PRKAR2B: variants seen among roughly 807,000 people sequenced by gnomAD.
PRKAR2B encodes the protein protein kinase cAMP-dependent type II regulatory subunit beta.
Under a neutral mutation model 49.9 loss-of-function variants are expected in PRKAR2B, and 14 were observed. The ratio of observed to expected loss-of-function variants is 0.28; its 90% CI spans 0.19 to 0.44. The LOEUF is 0.44. Ranked by LOEUF, PRKAR2B falls within the 20% of genes least tolerant of loss-of-function variation. PRKAR2B has a pLI of 1.00. For synonymous variants in PRKAR2B, 196 were observed against 197.7 expected, an observed-to-expected ratio of 0.99 and a Z score of 0.07; for missense variants, 393 against 537.9, an observed-to-expected ratio of 0.73 and a Z score of 2.67.
At chr7:107,081,146 C>A (rs1452571991) in intron 2 of PRKAR2B, among the ~76,000 whole-genome samples, 1 of 152,118 alleles carries the variant, frequency 6.6e-6, no homozygotes, top group Non-Finnish European at 1.5e-5. Context: ...GGCCAAAGTG[C>A]ATAATTTTGT....
At chr7:107,106,861 C>T (rs750949406) in intron 2 of PRKAR2B, among the ~76,000 whole-genome samples, 30 of 151,830 alleles carry the variant, frequency 2.0e-4, no homozygotes, top group Admixed American at 4.6e-4. Context: ...AGGAGATAAT[C>T]TAGGATATCT....
intron 1 of PRKAR2B, among the ~76,000 whole-genome samples, chr7:107,068,180 A>G (rs929056072): frequency 3.3e-5 from 5 of 152,176 alleles, no homozygotes; most frequent in African/African-American, 1.2e-4. Flanking sequence ...AGAAAGACAC[A>G]GAAACCTAAG....
Position 107,159,440 on chromosome 7 carries a change from T to G in PRKAR2B, c.1124-9T>G. On this transcript the variant is annotated splice_polypyrimidine_tract_variant and intron_variant, in intron 10 of 10. Coordinates refer to ENST00000265717, the MANE Select transcript of PRKAR2B (RefSeq NM_002736.3). ...ATGTTATTTAAAAAAAAATCTTCTC[T>G]TTTCTCAGCAATGGATGTGCAAGCA... 1 of 1,611,556 alleles carries G rather than the reference T, an allele frequency of 6.2e-7. No individual in the cohort carries two copies. The highest frequency in any genetic ancestry group is 1.1e-5 in the South Asian group (1 of 90,284).
At chr7:107,153,542 C>G (rs918608354) in intron 8 of PRKAR2B, among the ~76,000 whole-genome samples, 3 of 152,156 alleles carry the variant, frequency 2.0e-5, no homozygotes, top group Non-Finnish European at 4.4e-5. Flanking sequence ...TGTTCCATGA[C>G]ATTAATGAGG....
intron 2 of PRKAR2B, among the ~76,000 whole-genome samples, chr7:107,101,443 G>A (rs957570656): frequency 1.3e-5 from 2 of 152,174 alleles, no homozygotes; most frequent in African/African-American, 4.8e-5. Context: ...CACCTCGACA[G>A]CCTAGAGATA....
At chr7:107,132,940 CAGT>C (rs529150328) in intron 4 of PRKAR2B, among the ~76,000 whole-genome samples, 195 of 152,140 alleles carry the variant, frequency 1.3e-3, no homozygotes, top group Non-Finnish European at 2.4e-3. Context: ...ATGCTCCACT[CAGT>C]AGGCCATTTT....
chr7:107,045,052 G>T lies in PRKAR2B; in HGVS notation c.145G>T (p.Ala49Ser). 6.5e-7 allele frequency: 1 copy of T among 1,545,076 alleles called. No homozygotes were observed. Among genetic ancestry groups the T allele is most frequent in the Non-Finnish European group, 8.7e-7 (1 of 1,149,116 alleles). The change falls in exon 1 of 11, where the codon GCG becomes TCG. Residue 49 changes from alanine to serine, a missense_variant. Around this residue, in one of 2 missense-constraint regions of PRKAR2B, gnomAD observed 160 missense variants for 147.6 expected, o/e 1.08. Coordinates refer to ENST00000265717, the MANE Select transcript of PRKAR2B (RefSeq NM_002736.3). Reference protein sequence around the residue: ...LQQENERKGTARFGHEGRTWG... With the variant: ...LQQENERKGTSRFGHEGRTWG... Reference sequence around the variant, plus strand: ...GCAGGAGAACGAGCGCAAAGGCACCGCGCGCTTCGGCCATGAGGGCAGGAC... The same window carrying T: ...GCAGGAGAACGAGCGCAAAGGCACCTCGCGCTTCGGCCATGAGGGCAGGAC...
At chr7:107,120,400 T>C (rs1359907086) in intron 2 of PRKAR2B, among the ~76,000 whole-genome samples, 1 of 152,094 alleles carries the variant, frequency 6.6e-6, no homozygotes, top group Non-Finnish European at 1.5e-5. Flanking sequence ...TTCAGGTGTT[T>C]AGAGTGGTGC....
In PRKAR2B at chr7:107,090,302, G is replaced by A. The variant is rs116851509; in HGVS notation, c.343+19986G>A. On this transcript the variant is annotated intron_variant, in intron 2 of 10. Coordinates refer to ENST00000265717, the MANE Select transcript of PRKAR2B (RefSeq NM_002736.3). Reference sequence around the variant, plus strand: ...CTTGCTCCATATGGTGAGGAGCATCGCCACTGCAGTTCCACATTTTACAGC... The same window carrying A: ...CTTGCTCCATATGGTGAGGAGCATCACCACTGCAGTTCCACATTTTACAGC... Among the ~76,000 whole-genome samples, 7 of 152,202 alleles carry A rather than the reference G, an allele frequency of 4.6e-5. No individual in the cohort carries two copies. In the East Asian group the frequency reaches 9.7e-4, roughly 21 times the overall value.
At chr7:107,107,725 T>C (rs893311669) in intron 2 of PRKAR2B, among the ~76,000 whole-genome samples, 1 of 152,024 alleles carries the variant, frequency 6.6e-6, no homozygotes, top group African/African-American at 2.4e-5. Flanking sequence ...TGGTGCGATC[T>C]TGGCTCACTG....
chr7:107,065,205 G>A (rs959265926), intron 1 of PRKAR2B, among the ~76,000 whole-genome samples: 2 of 152,200 alleles, frequency 1.3e-5, no homozygotes, highest in African/African-American at 2.4e-5. Flanking sequence ...CAAGATTATT[G>A]TGTATATTTC....
Position 107,140,781 on chromosome 7 carries a change from G to C in PRKAR2B, c.481-66G>C, listed in dbSNP as rs1795778284. On this transcript the variant is annotated intron_variant, in intron 4 of 10. Transcript: ENST00000265717. The stretch of plus-strand genomic sequence containing the variant: ...TGGACTTGTTCACAGAAATATAACT[G>C]TGGTTACTTAAGAAAACATGTTCTA... 1.0e-5 allele frequency: 12 copies of C among 1,148,968 alleles called. No individual in the cohort carries two copies. The East Asian group carries it at 2.7e-4, about 26-fold the overall frequency. 71.2% of individuals were successfully genotyped at this position (1,148,968 alleles called of 1,614,324 possible).
chr7:107,159,474 G>C lies in PRKAR2B; in HGVS notation c.1149G>C (p.Arg383Ser). Reference sequence around the variant, plus strand: ...CAATGGATGTGCAAGCATTTGAAAGGCTTCTGGGACCTTGCATGGAAATTA... The same window carrying C: ...CAATGGATGTGCAAGCATTTGAAAGCCTTCTGGGACCTTGCATGGAAATTA... Reference protein sequence around the residue: ...CLAMDVQAFERLLGPCMEIMK... With the variant: ...CLAMDVQAFESLLGPCMEIMK... The change falls in exon 11 of 11, where the codon AGG (arginine) becomes AGC (serine). Residue 383 changes from arginine to serine, a missense_variant. By Grantham distance (110) the Arg-to-Ser change is moderately radical. Coordinates refer to ENST00000265717, the MANE Select transcript of PRKAR2B (RefSeq NM_002736.3). 2 of 1,613,968 alleles carry C rather than the reference G, an allele frequency of 1.2e-6. No individual in the cohort carries two copies. The highest frequency in any genetic ancestry group is 1.7e-6 in the Non-Finnish European group (2 of 1,179,962).
intron 3 of PRKAR2B, among the ~76,000 whole-genome samples, chr7:107,124,754 T>TA (rs1180160069): frequency 6.6e-6 from 1 of 152,178 alleles, no homozygotes; most frequent in Non-Finnish European, 1.5e-5. Flanking sequence ...ATGTCTAAGT[T>TA]AAAACCTTAC....
intron 4 of PRKAR2B, 56 bp downstream of exon 4, chr7:107,128,351 C>T: frequency 7.6e-7 from 1 of 1,321,062 alleles, no homozygotes; most frequent in South Asian, 1.2e-5. Flanking sequence ...GTGACAGTGT[C>T]AAGAACTGTA....
intron 4 of PRKAR2B, among the ~76,000 whole-genome samples, chr7:107,136,668 G>A (rs1224093927): frequency 2.0e-5 from 3 of 152,308 alleles, no homozygotes; most frequent in East Asian, 1.9e-4. Flanking sequence ...CCAAATGCTG[G>A]TGAACATAGG....
intron 4 of PRKAR2B, chr7:107,129,010 A>G (rs1303886075): frequency 1.3e-5 from 2 of 152,166 alleles, no homozygotes; most frequent in Non-Finnish European, 2.9e-5. Flanking sequence ...AAATGTGAAA[A>G]TAGAGTCAAC....
chr7:107,148,489 T>A (rs1795931411), intron 6 of PRKAR2B, among the ~76,000 whole-genome samples: 1 of 152,330 alleles, frequency 6.6e-6, no homozygotes. Context: ...TTTTTAGTAG[T>A]CTATACATGT....
intron 2 of PRKAR2B, among the ~76,000 whole-genome samples, chr7:107,086,147 C>G (rs1430745081): frequency 2.0e-5 from 3 of 151,974 alleles, no homozygotes; most frequent in African/African-American, 7.2e-5. Flanking sequence ...TATTGTTGAC[C>G]GTTTATATTT....
Sources: allele counts gnomAD v4.1 joint callset (sites outside exome capture counted in the v4.1 genomes callset), GRCh38; gene constraint gnomAD v4.1.1; regional missense constraint gnomAD v4.1.1; transcripts MANE v1.5; gene names NCBI Gene and HGNC (gene_info 2026-07-23, HGNC 2026-07-21).